Variants in TNFSF13B observed in about 807,000 individuals in gnomAD.
TNFSF13B encodes the protein tumor necrosis factor ligand superfamily member 13B.
Under a neutral mutation model 29.1 loss-of-function variants are expected in TNFSF13B, and 8 were observed. The observed-to-expected ratio is 0.27, with a 90% CI of 0.16 to 0.50. TNFSF13B has a LOEUF of 0.50. Among genes scored for constraint, TNFSF13B ranks in the 20% least tolerant of loss-of-function variants. TNFSF13B has a pLI of 0.98. For synonymous variants in TNFSF13B, 125 were observed against 130.8 expected (o/e 0.96, Z 0.30); for missense variants, 248 against 334.9 (o/e 0.74, Z 2.03).
At chr13:108,303,160 T>A in intron 3 of TNFSF13B, 93 bp from the exon 4 acceptor site, 1 of 818,270 alleles carries the variant, frequency 1.2e-6, no homozygotes, top group Non-Finnish European at 1.9e-6. Context: ...GATGGAATTA[T>A]CTTCTAAGTT....
rs759480079 is a variant in TNFSF13B at position 108,306,960 on chromosome 13, G to A, written c.*22G>A. 1 of 1,215,250 alleles carries A rather than the reference G, an allele frequency of 8.2e-7. No individual in the cohort carries two copies. Among genetic ancestry groups the A allele is most frequent in the South Asian group, 1.3e-5 (1 of 78,118 alleles). 75.3% of individuals were successfully genotyped at this position (1,215,250 alleles called of 1,614,324 possible). A position where few individuals can be genotyped will look rare whatever the true frequency, so the allele number is the denominator to read the frequency against. On this transcript the variant is annotated 3_prime_UTR_variant, in exon 6 of 6. Transcript: ENST00000375887. ...GTGACCTACTTACACCATGTCTGTA[G>A]CTATTTTCCTCCCTTTCTCTGTACC...
rs561746440 is a variant in TNFSF13B at position 108,303,645 on chromosome 13, G to A, written c.745+41G>A. On this transcript the variant is annotated intron_variant, in intron 5 of 5. Coordinates refer to ENST00000375887, the MANE Select transcript of TNFSF13B (RefSeq NM_006573.5). ...CACACCCTGCTAATTGTGAAATGAA[G>A]AGACTTTGACGAAAAATCTGAGCTG... The A allele has an allele frequency of 1.7e-4, 262 of 1,570,660 alleles. 3 individuals are homozygous for A. The South Asian group carries it at 2.8e-3, about 17-fold the overall frequency.
intron 2 of TNFSF13B, among the ~76,000 whole-genome samples, chr13:108,283,847 T>C (rs1881034615): frequency 6.6e-6 from 1 of 152,220 alleles, no homozygotes; most frequent in Non-Finnish European, 1.5e-5. Flanking sequence ...CTTTGGGATC[T>C]CTTTTATAAG....
chr13:108,272,385 T>C (rs906424946), intron 2 of TNFSF13B, among the ~76,000 whole-genome samples: 1 of 152,092 alleles, frequency 6.6e-6, no homozygotes, highest in Admixed American at 6.5e-5. Flanking sequence ...AGTGATAATC[T>C]TTAAAAAATT....
chr13:108,294,371 G>A (rs919097601), intron 3 of TNFSF13B, among the ~76,000 whole-genome samples: 1 of 151,850 alleles, frequency 6.6e-6, no homozygotes, highest in Non-Finnish European at 1.5e-5. Context: ...GTAGAAACAG[G>A]GTTTCACCAT....
rs1374170929 is a variant in TNFSF13B at position 108,302,913 on chromosome 13, T to G, written c.482-340T>G. On this transcript the variant is annotated intron_variant, in intron 3 of 5. Transcript: ENST00000375887. Reference sequence around the variant, plus strand: ...CTACTAGTGTGTTATTCAGAGAAATTTTGTCCACTCTTTGCTTCAAACTCT... The same window carrying G: ...CTACTAGTGTGTTATTCAGAGAAATGTTGTCCACTCTTTGCTTCAAACTCT... 4 of 948,506 alleles carry G rather than the reference T, an allele frequency of 4.2e-6. No individual in the cohort carries two copies. The East Asian group carries it at 4.1e-4, about 98-fold the overall frequency. The allele number at this position is 948,506 out of a possible 1,614,324, so 58.8% of individuals were successfully genotyped here.
rs961327393 is a variant in TNFSF13B, at chr13:108,303,677, G to A, written c.745+73G>A. On this transcript the variant is annotated intron_variant, in intron 5 of 5. Coordinates refer to ENST00000375887, the MANE Select transcript of TNFSF13B (RefSeq NM_006573.5). ...TGACGAAAAATCTGAGCTGCAAAAT[G>A]CAAAAATGAAAGGATGGTGCCCTAA... The A allele has an allele frequency of 7.4e-6, 11 of 1,484,564 alleles. No individual in the cohort carries two copies. The Admixed American group carries it at 2.0e-4, about 27-fold the overall frequency. The allele number at this position is 1,484,564 out of a possible 1,614,324, so 92.0% of individuals were successfully genotyped here.
Position 108,270,196 on chromosome 13 carries a change from G to T in TNFSF13B, c.301G>T (p.Gly101Cys), listed in dbSNP as rs371024775. 3.6e-5 allele frequency: 58 copies of T among 1,602,082 alleles called. No individual in the cohort carries two copies. Among genetic ancestry groups the T allele is most frequent in the Non-Finnish European group, 4.9e-5 (58 of 1,178,628 alleles). The change falls in exon 1 of 6, where the codon GGC becomes TGC. Residue 101 changes from glycine (G) to cysteine (C), a missense_variant. Transcript: ENST00000375887. ...AGCAGGAGCAGGAGCCCCCAAGGCC[G>T]GCCTGGAGGAAGCTCCAGCTGTCAC... ...LPAGAGAPKA[G>C]LEEAPAVTAG...
intron 3 of TNFSF13B, among the ~76,000 whole-genome samples, chr13:108,287,457 A>G (rs992195557): frequency 2.0e-5 from 3 of 152,220 alleles, no homozygotes; most frequent in Admixed American, 2.0e-4. Flanking sequence ...GGGAATAAAT[A>G]ATAATTAAGA....
At chr13:108,304,673 G>A (rs1379708653) in intron 5 of TNFSF13B, among the ~76,000 whole-genome samples, 6 of 152,244 alleles carry the variant, frequency 3.9e-5, no homozygotes, top group Middle Eastern at 3.4e-3. Context: ...GTGAATGACC[G>A]TGTGACACAC....
rs115183649 is a variant in TNFSF13B at position 108,299,251 on chromosome 13, G to A, written c.482-4002G>A. ...TAGATCACTGGTAGAAAAGTGATTC[G>A]CTATTGAGTATTAATCTTGTAATAA... On this transcript the variant is annotated intron_variant, in intron 3 of 5. Transcript: ENST00000375887. Among the ~76,000 whole-genome samples the A allele has an allele frequency of 5.7e-3, 835 of 145,624 alleles. 124 individuals are homozygous for A. Among genetic ancestry groups the A allele is most frequent in the African/African-American group, 0.021 (804 of 38,812 alleles).
chr13:108,274,953 A>G (rs1880724531), intron 2 of TNFSF13B, among the ~76,000 whole-genome samples: 1 of 152,140 alleles, frequency 6.6e-6, no homozygotes, highest in South Asian at 2.1e-4. Context: ...GTTTTACTTA[A>G]TGTTTTAATT....
At chr13:108,275,579 C>A (rs1265627141) in intron 2 of TNFSF13B, among the ~76,000 whole-genome samples, 1 of 151,708 alleles carries the variant, frequency 6.6e-6, no homozygotes, top group Non-Finnish European at 1.5e-5. Context: ...AAAAATTGTC[C>A]GTATTTCACC....
chr13:108,291,368 ATATATT>A (rs1294594147), intron 3 of TNFSF13B, among the ~76,000 whole-genome samples: 5 of 151,838 alleles, frequency 3.3e-5, no homozygotes, highest in African/African-American at 1.2e-4. Flanking sequence ...AGAACATGAT[ATATATT>A]TATATTTTTT....
intron 2 of TNFSF13B, among the ~76,000 whole-genome samples, chr13:108,280,941 T>TATAGAGGTA (rs1566400602): frequency 6.6e-6 from 1 of 152,016 alleles, no homozygotes; most frequent in African/African-American, 2.4e-5. Flanking sequence ...TGCCGAGGTA[T>TATAGAGGTA]TTAGAGGTAT....
intron 2 of TNFSF13B, among the ~76,000 whole-genome samples, chr13:108,278,688 C>T (rs981779239): frequency 1.4e-3 from 55 of 39,190 alleles, no homozygotes; most frequent in African/African-American, 4.6e-3. Context: ...CTCCTTTCCT[C>T]CTCCTCTTCC....
At chr13:108,279,873 G>A (rs901532112) in intron 2 of TNFSF13B, among the ~76,000 whole-genome samples, 3 of 151,990 alleles carry the variant, frequency 2.0e-5, no homozygotes, top group African/African-American at 7.3e-5. Flanking sequence ...TTTTGTCCGT[G>A]ATGCTCCTAT....
chr13:108,273,203 G>A (rs1029093109), intron 2 of TNFSF13B, among the ~76,000 whole-genome samples: 2 of 151,628 alleles, frequency 1.3e-5, no homozygotes, highest in Non-Finnish European at 2.9e-5. Flanking sequence ...AACAACACAA[G>A]TTTTAACAGC....
intron 2 of TNFSF13B, among the ~76,000 whole-genome samples, chr13:108,282,210 G>A (rs1880977502): frequency 6.6e-6 from 1 of 152,150 alleles, no homozygotes; most frequent in Non-Finnish European, 1.5e-5. Context: ...AGAATCTGTG[G>A]GTGCAGGTGA....
Sources: gnomAD v4.1 joint callset for allele counts (sites outside exome capture counted in the v4.1 genomes callset) on GRCh38, gnomAD v4.1.1 for gene constraint, MANE v1.5 for transcripts, NCBI Gene and HGNC (gene_info 2026-07-23, HGNC 2026-07-21) for gene names.